Variants in FAM135B observed in about 807,000 individuals in gnomAD.
FAM135B encodes protein FAM135B.
FAM135B carries 43 observed loss-of-function variants against 127.7 expected under a neutral mutation model. The observed-to-expected ratio is 0.34, with a 90% CI of 0.26 to 0.43. The LOEUF is 0.43. Ranked by LOEUF, FAM135B falls within the 20% of genes least tolerant of loss-of-function variation. The pLI is 1.00. For missense variants in FAM135B, 1,558 were observed against 1,725.6 expected (o/e 0.90, Z 1.72); for synonymous variants, 670 against 665.1 (o/e 1.01, Z -0.11).
At chr8:138,233,672 C>A (rs1445111763) in intron 7 of FAM135B, among the ~76,000 whole-genome samples, 1 of 152,102 alleles carries the variant, frequency 6.6e-6, no homozygotes, top group Admixed American at 6.5e-5. Context: ...AGCAGGACTA[C>A]ACAAAACTAA....
chr8:138,432,566 C>T (rs575397521), intron 1 of FAM135B, among the ~76,000 whole-genome samples: 1 of 151,998 alleles, frequency 6.6e-6, no homozygotes, highest in Admixed American at 6.6e-5. Flanking sequence ...GAGAGTTATA[C>T]AGGTTATTTT....
chr8:138,182,982 A>G (rs1356424413), intron 9 of FAM135B, among the ~76,000 whole-genome samples: 1 of 152,118 alleles, frequency 6.6e-6, no homozygotes, highest in Non-Finnish European at 1.5e-5. Context: ...GCATGTCCTC[A>G]TCTTCATCCA....
intron 8 of FAM135B, among the ~76,000 whole-genome samples, chr8:138,197,115 GTGTA>G (rs1327543021): frequency 2.7e-3 from 90 of 32,790 alleles, no homozygotes; most frequent in Admixed American, 7.4e-3. Flanking sequence ...GTGTGTGTGT[GTGTA>G]TATATATAGT....
At chr8:138,347,677 T>C (rs1351387703) in intron 2 of FAM135B, among the ~76,000 whole-genome samples, 1 of 152,172 alleles carries the variant, frequency 6.6e-6, no homozygotes, top group Non-Finnish European at 1.5e-5. Flanking sequence ...ATCACTCTGC[T>C]TGCTGATCTC....
chr8:138,307,469 CACTT>C (rs761223734), intron 3 of FAM135B, among the ~76,000 whole-genome samples: 2 of 152,182 alleles, frequency 1.3e-5, no homozygotes, highest in African/African-American at 2.4e-5. Context: ...CCCTCTGTCT[CACTT>C]ACATCAAATC....
intron 7 of FAM135B, among the ~76,000 whole-genome samples, chr8:138,201,002 G>A (rs576018350): frequency 6.6e-6 from 1 of 152,318 alleles, no homozygotes; most frequent in East Asian, 1.9e-4. Flanking sequence ...ACCTGCCTCT[G>A]AAACCAGGCC....
intron 3 of FAM135B, 59 bp from the exon 4 acceptor site, chr8:138,265,901 C>G (rs2130634435): frequency 6.5e-7 from 1 of 1,541,238 alleles, no homozygotes; most frequent in Non-Finnish European, 8.8e-7. Context: ...TACCTGCAGC[C>G]CTGTCAGGTG....
At chr8:138,360,128 A>G (rs1236400436) in intron 2 of FAM135B, among the ~76,000 whole-genome samples, 8 of 152,222 alleles carry the variant, frequency 5.3e-5, no homozygotes, top group African/African-American at 1.7e-4. Context: ...ACATCAAACA[A>G]TGAAAAATCT....
At chr8:138,413,553 A>C (rs957576844) in intron 1 of FAM135B, among the ~76,000 whole-genome samples, 3 of 152,204 alleles carry the variant, frequency 2.0e-5, no homozygotes, top group African/African-American at 7.2e-5. Context: ...CTGGAACAAC[A>C]ACCATAGTAT....
At position 138,132,904 on chromosome 8, in the gene FAM135B, T is replaced by C; in HGVS notation, c.4016-106A>G. ...AAATTCTGTTCCTGGGCAGACCTGT[T>C]ATACAGCAGTTTCCAACCTCTTCCT... On this transcript the variant is annotated intron_variant, in intron 19 of 19. Coordinates refer to ENST00000395297, the MANE Select transcript of FAM135B (RefSeq NM_015912.4). The surrounding 1 kb of genome is among the most constrained non-coding windows in gnomAD (Gnocchi z 4.5). 1.1e-6 allele frequency: 1 copy of C among 930,516 alleles called. No homozygotes were observed. The highest frequency in any genetic ancestry group is 1.4e-5 in the South Asian group (1 of 68,976). The allele number at this position is 930,516 out of a possible 1,614,324, so 57.6% of individuals were successfully genotyped here.
At chr8:138,386,577 A>C (rs1455975865) in intron 1 of FAM135B, among the ~76,000 whole-genome samples, 1 of 152,214 alleles carries the variant, frequency 6.6e-6, no homozygotes, top group Non-Finnish European at 1.5e-5. Context: ...TGTGGTATAG[A>C]ATGAATTTGA....
chr8:138,477,732 C>A (rs543021550), intron 1 of FAM135B, among the ~76,000 whole-genome samples: 6 of 152,310 alleles, frequency 3.9e-5, no homozygotes, highest in Middle Eastern at 6.8e-3. Flanking sequence ...CCATGAGGGC[C>A]AGTTCAGTCT....
intron 3 of FAM135B, among the ~76,000 whole-genome samples, chr8:138,303,805 T>C (rs1444048790): frequency 6.6e-6 from 1 of 152,166 alleles, no homozygotes; most frequent in East Asian, 1.9e-4. Flanking sequence ...AGTACCCACA[T>C]ATGTTACCTG....
chr8:138,409,375 T>A (rs996995205), intron 1 of FAM135B, among the ~76,000 whole-genome samples: 2 of 151,876 alleles, frequency 1.3e-5, no homozygotes, highest in African/African-American at 4.8e-5. Flanking sequence ...AATAGTAACA[T>A]CAAAGAAGAC....
rs574609737 is a variant in FAM135B, at chr8:138,263,840, G to A, written c.297+1863C>T. Reference sequence around the variant, plus strand: ...ATTCACTCCATGTTGGGTATCCACAGTGTAGTCCTATGGCTACTAGGGCAC... The same window carrying A: ...ATTCACTCCATGTTGGGTATCCACAATGTAGTCCTATGGCTACTAGGGCAC... On this transcript the variant is annotated intron_variant, in intron 4 of 19. Transcript: ENST00000395297. Among the ~76,000 whole-genome samples the A allele has an allele frequency of 2.0e-5, 3 of 152,332 alleles. No homozygotes were observed. The South Asian group carries it at 6.2e-4, about 32-fold the overall frequency.
chr8:138,408,392 G>A (rs980139202), intron 1 of FAM135B, among the ~76,000 whole-genome samples: 4 of 152,096 alleles, frequency 2.6e-5, no homozygotes, highest in African/African-American at 9.7e-5. Context: ...TATAGAGATG[G>A]TTTCTTTCGT....
chr8:138,171,806 GAT>G (rs560999263), intron 11 of FAM135B, among the ~76,000 whole-genome samples: 101 of 152,290 alleles, frequency 6.6e-4, no homozygotes, highest in African/African-American at 2.4e-3. Context: ...GAGTCCGTGA[GAT>G]AGTGGGTTTC....
chr8:138,428,961 T>C (rs1273090548), intron 1 of FAM135B, among the ~76,000 whole-genome samples: 1 of 152,214 alleles, frequency 6.6e-6, no homozygotes, highest in Non-Finnish European at 1.5e-5. Context: ...GCCAACGTAC[T>C]GGGGATTCAA....
intron 7 of FAM135B, among the ~76,000 whole-genome samples, chr8:138,219,673 C>T (rs1463082861): frequency 7.9e-5 from 12 of 152,176 alleles, no homozygotes; most frequent in East Asian, 1.9e-4. Context: ...CTCACCCAGA[C>T]GTGTTCATTC....
Sources: gnomAD v4.1 joint callset for allele counts (sites outside exome capture counted in the v4.1 genomes callset) on GRCh38, gnomAD v4.1.1 for gene constraint, Gnocchi (gnomAD v3.1) non-coding constraint, MANE v1.5 for transcripts, NCBI Gene and HGNC (gene_info 2026-07-23, HGNC 2026-07-21) for gene names.